TM4SF20: variants seen among roughly 807,000 people sequenced by gnomAD.
TM4SF20 encodes the protein transmembrane 4 L six family member 20.
Under a neutral mutation model 15.1 loss-of-function variants are expected in TM4SF20, and 13 were observed. The ratio of observed to expected loss-of-function variants is 0.86; its 90% CI spans 0.56 to 1.36. TM4SF20 has a LOEUF of 1.36. TM4SF20 is among the 40% of genes most tolerant of loss of function. The pLI is 0.00. For synonymous variants in TM4SF20, 92 were observed against 96.6 expected, an observed-to-expected ratio of 0.95 and a Z score of 0.28; for missense variants, 282 against 268.4, an observed-to-expected ratio of 1.05 and a Z score of -0.35.
upstream of TM4SF20, among the ~76,000 whole-genome samples, chr2:227,380,915 G>T (rs541328706): frequency 6.6e-6 from 1 of 152,292 alleles, no homozygotes; most frequent in African/African-American, 2.4e-5. Context: ...AGGGGGTCCA[G>T]TTACTGGACC....
chr2:227,364,050 AT>A, intron 3 of TM4SF20, 38 bp from the exon 4 acceptor site: 1 of 1,568,806 alleles, frequency 6.4e-7, no homozygotes, highest in Non-Finnish European at 8.7e-7. Context: ...ATTCAGAAAT[AT>A]CCCTGACCAA....
At chr2:227,378,948 T>A in intron 1 of TM4SF20, 138 bp downstream of exon 1, 1 of 768,612 alleles carries the variant, frequency 1.3e-6, no homozygotes, top group Non-Finnish European at 2.1e-6. Context: ...ATGACCAATA[T>A]AAATTAATGC....
rs1393348706 is a variant in TM4SF20 at position 227,362,419 on chromosome 2, AT to A, written c.*1304del. The A allele has an allele frequency of 6.6e-6, 1 of 152,152 alleles. No homozygotes were observed. Among genetic ancestry groups the A allele is most frequent in the Non-Finnish European group, 1.5e-5 (1 of 68,020 alleles). The allele number at this position is 152,152 out of a possible 1,614,324, so 9.4% of individuals were successfully genotyped here. A position where few individuals can be genotyped will look rare whatever the true frequency, so the allele number is the denominator to read the frequency against. On this transcript the variant is annotated 3_prime_UTR_variant, in exon 4 of 4. Transcript: ENST00000304568. The stretch of plus-strand genomic sequence containing the variant: ...GTAATTTTAAAACATATAAATATGC[AT>A]TTCTTTTTTTAAAAATGAGGACATT...
intron 2 of TM4SF20, among the ~76,000 whole-genome samples, chr2:227,367,154 G>A (rs186101528): frequency 5.9e-5 from 9 of 152,160 alleles, no homozygotes; most frequent in Middle Eastern, 3.4e-3. Flanking sequence ...ATCATCCCCC[G>A]ACGCCTTGCC....
In TM4SF20 at chr2:227,369,916, A is replaced by G. The variant is rs536014496; in HGVS notation, c.249+999T>C. 6.5e-4 allele frequency among the ~76,000 whole-genome samples: 99 copies of G among 152,286 alleles called. 1 individual carries two copies. In the South Asian group the frequency reaches 0.02, roughly 31 times the overall value. ...GGGTTTGGATAAAAATCCACTTACTAGTGTGCTACACTGGCAAATTATTTA... is the reference window on the plus strand; with the variant it reads ...GGGTTTGGATAAAAATCCACTTACTGGTGTGCTACACTGGCAAATTATTTA... On this transcript the variant is annotated intron_variant, in intron 2 of 3. Transcript: ENST00000304568.
intron 3 of TM4SF20, 40 bp from the exon 4 acceptor site, chr2:227,364,052 C>A: frequency 3.2e-6 from 5 of 1,567,366 alleles, no homozygotes; most frequent in Non-Finnish European, 4.3e-6. Context: ...TCAGAAATAT[C>A]CCTGACCAAA....
chr2:227,381,311 A>G (rs7608271), upstream of TM4SF20, among the ~76,000 whole-genome samples: 16,377 of 152,030 alleles, frequency 0.11, 1,098 homozygotes, highest in East Asian at 0.19. Flanking sequence ...CTATCAACAC[A>G]ACACACAAAA....
upstream of TM4SF20, among the ~76,000 whole-genome samples, chr2:227,380,598 G>C (rs1360616040): frequency 6.6e-6 from 1 of 152,216 alleles, no homozygotes; most frequent in Admixed American, 6.5e-5. Context: ...TTATGCATGA[G>C]TTCAAGTGGG....
upstream of TM4SF20, among the ~76,000 whole-genome samples, chr2:227,379,522 G>A (rs2076469910): frequency 6.6e-6 from 1 of 152,158 alleles, no homozygotes; most frequent in South Asian, 2.1e-4. Flanking sequence ...TAAGAAGATA[G>A]GCTTACGATA....
intron 2 of TM4SF20, among the ~76,000 whole-genome samples, chr2:227,370,062 C>T (rs1051539227): frequency 1.3e-5 from 2 of 152,138 alleles, no homozygotes; most frequent in African/African-American, 4.8e-5. Flanking sequence ...GAGTGACACT[C>T]CGGTTAATGA....
chr2:227,363,766 G>A lies in TM4SF20; in HGVS notation c.648C>T (p.Gly216=), dbSNP rs1490188626. 1 of 1,614,022 alleles carries A rather than the reference G, an allele frequency of 6.2e-7. No individual in the cohort carries two copies. The highest frequency in any genetic ancestry group is 1.3e-5 in the African/African-American group (1 of 74,914). Reference sequence around the variant, plus strand: ...TTCGCTTAGAGACTCCACACAGACAGCCAAGGAAACCGATGACTATCTGAC... The same window carrying A: ...TTCGCTTAGAGACTCCACACAGACAACCAAGGAAACCGATGACTATCTGAC... ...GLSQIVIGFL[G]CLCGVSKRRS... is the part of the protein sequence containing the mutation. Residue 216 remains glycine, a synonymous_variant, in exon 4 of 4, where the codon GGC becomes GGT. Transcript: ENST00000304568.
chr2:227,378,732 G>C (rs887462563), intron 1 of TM4SF20, among the ~76,000 whole-genome samples: 1 of 152,140 alleles, frequency 6.6e-6, no homozygotes, highest in Admixed American at 6.6e-5. Flanking sequence ...TAAATACTTA[G>C]AGACTGGTAT....
Position 227,363,609 on chromosome 2 carries a change from C to T in TM4SF20, c.*115G>A, listed in dbSNP as rs1241434025. 8.6e-6 allele frequency: 9 copies of T among 1,045,102 alleles called. No homozygotes were observed. Among genetic ancestry groups the T allele is most frequent in the South Asian group, 8.0e-5 (5 of 62,540 alleles). The allele number at this position is 1,045,102 out of a possible 1,614,324, so 64.7% of individuals were successfully genotyped here. A position where few individuals can be genotyped will look rare whatever the true frequency, so the allele number is the denominator to read the frequency against. On this transcript the variant is annotated 3_prime_UTR_variant, in exon 4 of 4. Coordinates refer to ENST00000304568, the MANE Select transcript of TM4SF20 (RefSeq NM_024795.4). ...ATATGAGAGTGTTATGCATTTACAA[C>T]GTGCTTTCTACGTGAAGGGTTGATT...
intron 2 of TM4SF20, among the ~76,000 whole-genome samples, chr2:227,368,019 ATT>A (rs1226126996): frequency 1.8e-4 from 22 of 120,540 alleles, no homozygotes; most frequent in Non-Finnish European, 3.4e-4. Context: ...TTAACCATCT[ATT>A]TTTTTTTTTT....
chr2:227,380,547 T>C (rs1336875326), upstream of TM4SF20, among the ~76,000 whole-genome samples: 1 of 152,170 alleles, frequency 6.6e-6, no homozygotes, highest in Non-Finnish European at 1.5e-5. Context: ...GCGACCCACA[T>C]CACTTCTGTT....
chr2:227,365,947 G>A (rs562994443), intron 3 of TM4SF20, 146 bp downstream of exon 3: 6 of 693,238 alleles, frequency 8.7e-6, no homozygotes, highest in Admixed American at 3.4e-5. Flanking sequence ...GTGCTAACTG[G>A]CGTTAATGTA....
intron 1 of TM4SF20, among the ~76,000 whole-genome samples, chr2:227,372,174 C>A (rs888928885): frequency 2.0e-5 from 3 of 152,136 alleles, no homozygotes; most frequent in African/African-American, 7.2e-5. Context: ...CGAGCTCTGG[C>A]GAATGCCAGA....
chr2:227,374,053 G>A (rs1252868822), intron 1 of TM4SF20, among the ~76,000 whole-genome samples: 1 of 130,732 alleles, frequency 7.6e-6, no homozygotes. Flanking sequence ...AAGTGCAAGT[G>A]TACTCCAGCC....
intron 2 of TM4SF20, among the ~76,000 whole-genome samples, chr2:227,366,783 G>GA (rs1286084881): frequency 7.1e-6 from 1 of 141,344 alleles, no homozygotes; most frequent in Non-Finnish European, 1.5e-5. Context: ...ACTGTCTCTG[G>GA]AAAATCTCAA....
Sources: allele counts gnomAD v4.1 joint callset (sites outside exome capture counted in the v4.1 genomes callset), GRCh38; gene constraint gnomAD v4.1.1; transcripts MANE v1.5; gene names NCBI Gene and HGNC (gene_info 2026-07-23, HGNC 2026-07-21).